The following SEMA3F variants were observed in gnomAD, a reference collection of about 807,000 sequenced individuals.
The protein encoded by SEMA3F is semaphorin-3F.
In SEMA3F, 30 loss-of-function variants were observed where a neutral mutation model predicts 98.5. The observed-to-expected ratio is 0.30, with a 90% confidence interval of 0.23 to 0.41. The LOEUF (loss-of-function observed/expected upper bound fraction) is 0.41, where lower values mean the gene tolerates loss of function less well. SEMA3F is among the 10% of genes least tolerant of loss of function. The pLI is 1.00. For missense variants in SEMA3F, 866 were observed against 1,119.3 expected (o/e 0.77, Z 3.23); for synonymous variants, 380 against 444.8 (o/e 0.85, Z 1.83).
Position 50,186,024 on chromosome 3 carries a change from C to T in SEMA3F, c.1723C>T (p.Arg575Cys), listed in dbSNP as rs761815872. 2.4e-5 allele frequency: 38 copies of T among 1,613,014 alleles called. 1 individual carries two copies. The Middle Eastern group carries it at 6.6e-4, about 28-fold the overall frequency. Residue 575 changes from arginine to cysteine, a missense_variant, in exon 16 of 19, where the codon CGC (arginine) becomes TGC (cysteine). Arg to Cys is a radical substitution (Grantham distance 180, BLOSUM62 -3). Around this residue, in one of 3 missense-constraint regions of SEMA3F, gnomAD observed 374 missense variants for 582.8 expected, o/e 0.64. Transcript: ENST00000002829. ...TGCCTGGGATGGCCAGGCCTGCTCC[C>T]GCTATACAGCATCCTCCAAGAGGTG... ...YCAWDGQACS[R>C]YTASSKRRSR...
intron 2 of SEMA3F, among the ~76,000 whole-genome samples, chr3:50,160,929 G>C (rs1698182795): frequency 6.6e-6 from 1 of 152,172 alleles, no homozygotes; most frequent in Non-Finnish European, 1.5e-5. Context: ...TCCCCTGCAG[G>C]GCCTGAGAAA....
rs768172772 is a variant in SEMA3F at position 50,173,935 on chromosome 3, C to G, written c.255C>G (p.Ile85Met). 2 of 1,614,140 alleles carry G rather than the reference C, an allele frequency of 1.2e-6. No homozygotes were observed. Among genetic ancestry groups the G allele is most frequent in the Non-Finnish European group, 1.7e-6 (2 of 1,180,032 alleles). The part of the protein sequence containing the change: ...DYVLSLDLHD[I>M]NREPLIIHWA... ...TGCTGTCCCTGGACCTGCACGACAT[C>G]AACCGCGAGCCCCTCATTGTAAGGG... Residue 85 changes from isoleucine to methionine, a missense_variant, in exon 3 of 19, where the codon ATC becomes ATG. By Grantham distance (10) the Ile-to-Met change is conservative. Around this residue, in one of 3 missense-constraint regions of SEMA3F, gnomAD observed 247 missense variants for 276.0 expected, o/e 0.89. Transcript: ENST00000002829.
chr3:50,185,630 C>T, intron 14 of SEMA3F, 36 bp from the exon 15 acceptor site: 3 of 1,613,982 alleles, frequency 1.9e-6, no homozygotes, highest in Non-Finnish European at 2.5e-6. Context: ...GGGAGGGGGT[C>T]CCTGGCATCC....
intron 6 of SEMA3F, 123 bp from the exon 7 acceptor site, chr3:50,176,645 A>C: frequency 1.4e-6 from 1 of 708,920 alleles, no homozygotes; most frequent in South Asian, 1.6e-5. Flanking sequence ...AATGCTGGGG[A>C]GTGTAGGGGG....
chr3:50,174,668 G>A (rs1263120808), intron 5 of SEMA3F, among the ~76,000 whole-genome samples: 2 of 152,362 alleles, frequency 1.3e-5, no homozygotes, highest in East Asian at 1.9e-4. Flanking sequence ...ACCGTGCCCC[G>A]ACGGCCGAGC....
chr3:50,161,614 C>T (rs1314076584), intron 2 of SEMA3F, among the ~76,000 whole-genome samples: 1 of 152,202 alleles, frequency 6.6e-6, no homozygotes, highest in Non-Finnish European at 1.5e-5. Context: ...GTTCCCCTGC[C>T]CTGAATGACC....
intron 2 of SEMA3F, among the ~76,000 whole-genome samples, chr3:50,161,086 T>G (rs1240684394): frequency 6.6e-6 from 1 of 152,010 alleles, no homozygotes; most frequent in Non-Finnish European, 1.5e-5. Flanking sequence ...AGGGGCCAGT[T>G]CCCCCAAACC....
chr3:50,156,971 C>T lies in SEMA3F; in HGVS notation c.-49+1407C>T, dbSNP rs1698010090. ...CTTGAGGTGTTGGGGGATGGGGAAGCTGAGGAGCCAAGAAGGAGACAGAGC... is the reference window on the plus strand; with the variant it reads ...CTTGAGGTGTTGGGGGATGGGGAAGTTGAGGAGCCAAGAAGGAGACAGAGC... On this transcript the variant is annotated intron_variant, in intron 1 of 18. Coordinates refer to ENST00000002829, the MANE Select transcript of SEMA3F (RefSeq NM_004186.5). This position sits in a 1 kb window ranked among gnomAD's most constrained non-coding sequence, Gnocchi z 4.5. Among the ~76,000 whole-genome samples, 1 of 151,754 alleles carries T rather than the reference C, an allele frequency of 6.6e-6. No individual in the cohort carries two copies. The highest frequency in any genetic ancestry group is 2.1e-4 in the South Asian group (1 of 4,816).
intron 2 of SEMA3F, among the ~76,000 whole-genome samples, chr3:50,171,185 G>T (rs199764813): frequency 2.0e-5 from 3 of 152,312 alleles, no homozygotes; most frequent in East Asian, 3.9e-4. Context: ...GGGGCAGCAG[G>T]CAGAGAGGGT....
chr3:50,188,467 A>G lies in SEMA3F; in HGVS notation c.*352A>G, dbSNP rs1699325652. ...AAGGGAGGGAGCAAGCCCTACTCGGATGGGGCACGGACTGTCCACCTTTTC... is the reference window on the plus strand; with the variant it reads ...AAGGGAGGGAGCAAGCCCTACTCGGGTGGGGCACGGACTGTCCACCTTTTC... On this transcript the variant is annotated 3_prime_UTR_variant, in exon 19 of 19. Transcript: ENST00000002829. This position sits in a 1 kb window ranked among gnomAD's most constrained non-coding sequence, Gnocchi z 4.5. 6.6e-6 allele frequency: 1 copy of G among 152,384 alleles called. No individual in the cohort carries two copies. The highest frequency in any genetic ancestry group is 1.5e-5 in the Non-Finnish European group (1 of 68,200). 9.4% of individuals were successfully genotyped at this position (152,384 alleles called of 1,614,324 possible).
rs1003375255 is a variant in SEMA3F, at chr3:50,186,497, C to T, written c.1814-116C>T. 7.0e-6 allele frequency: 10 copies of T among 1,433,290 alleles called. No homozygotes were observed. The African/African-American group carries it at 1.3e-4, about 18-fold the overall frequency. 88.8% of individuals were successfully genotyped at this position (1,433,290 alleles called of 1,614,324 possible). On this transcript the variant is annotated intron_variant, in intron 17 of 18. Coordinates refer to ENST00000002829, the MANE Select transcript of SEMA3F (RefSeq NM_004186.5). ...ATGGAGATGGGATGTCCCTAGTTGCCCCATCAACACAGAGCACTACATTGG... is the reference window on the plus strand; with the variant it reads ...ATGGAGATGGGATGTCCCTAGTTGCTCCATCAACACAGAGCACTACATTGG...
intron 6 of SEMA3F, 46 bp downstream of exon 6, chr3:50,175,234 A>C: frequency 7.4e-7 from 1 of 1,353,932 alleles, no homozygotes; most frequent in Non-Finnish European, 1.0e-6. Flanking sequence ...ACTGCCTCTG[A>C]GCGGAACTCA....
rs751187001 is a variant in SEMA3F, at chr3:50,182,451, G to C, written c.763+48G>C. On this transcript the variant is annotated intron_variant, in intron 8 of 18. Transcript: ENST00000002829. This position sits in a 1 kb window ranked among gnomAD's most constrained non-coding sequence, Gnocchi z 4.5. The stretch of plus-strand genomic sequence containing the variant: ...TTCCGTGGCCATGTGTCTGGGATGC[G>C]GCAAGGAGGTCGTAAAGAAGCACAT... 1.2e-6 allele frequency: 2 copies of C among 1,609,138 alleles called. No homozygotes were observed.
intron 1 of SEMA3F, among the ~76,000 whole-genome samples, chr3:50,157,305 C>G (rs1308892690): frequency 6.6e-6 from 1 of 152,086 alleles, no homozygotes; most frequent in African/African-American, 2.4e-5. Flanking sequence ...CTCCTCGTTT[C>G]TTTGTTCAAG....
intron 2 of SEMA3F, among the ~76,000 whole-genome samples, chr3:50,160,577 A>G (rs1450896395): frequency 6.6e-6 from 1 of 152,182 alleles, no homozygotes. Context: ...GGCAGTGGCC[A>G]TGCTGGGGCC....
rs142098890 is a variant in SEMA3F at position 50,181,528 on chromosome 3, T to C, written c.644-756T>C. On this transcript the variant is annotated intron_variant, in intron 7 of 18. Coordinates refer to ENST00000002829, the MANE Select transcript of SEMA3F (RefSeq NM_004186.5). ...TAGTAGAAACAGGGTTTCACCACATTGGCCAGGATGGTCTCGATCTCTTGA... is the reference window on the plus strand; with the variant it reads ...TAGTAGAAACAGGGTTTCACCACATCGGCCAGGATGGTCTCGATCTCTTGA... 3.7e-3 allele frequency among the ~76,000 whole-genome samples: 560 copies of C among 152,134 alleles called. 5 individuals are homozygous for C. Among genetic ancestry groups the C allele is most frequent in the African/African-American group, 0.013 (525 of 41,484 alleles).
upstream of SEMA3F, chr3:50,155,205 A>G: frequency 2.9e-6 from 1 of 343,176 alleles, no homozygotes; most frequent in Non-Finnish European, 5.2e-6. The surrounding 1 kb of genome is among the most constrained non-coding windows in gnomAD (Gnocchi z 4.9). Flanking sequence ...TCCAGCAGCC[A>G]GGAGAGCGCA....
At chr3:50,174,761 T>G (rs1300494692) in intron 5 of SEMA3F, among the ~76,000 whole-genome samples, 1 of 152,168 alleles carries the variant, frequency 6.6e-6, no homozygotes, top group Non-Finnish European at 1.5e-5. Flanking sequence ...AGAGCTGCCT[T>G]CCACCCCCAG....
intron 2 of SEMA3F, among the ~76,000 whole-genome samples, chr3:50,173,033 CT>C (rs1414233357): frequency 6.6e-6 from 1 of 152,222 alleles, no homozygotes; most frequent in Non-Finnish European, 1.5e-5. Context: ...GACCCAGAGA[CT>C]AGCTAGGGCT....
Sources: gnomAD v4.1 joint callset for allele counts (sites outside exome capture counted in the v4.1 genomes callset) on GRCh38, gnomAD v4.1.1 for gene constraint, gnomAD v4.1.1 regional missense constraint, Gnocchi (gnomAD v3.1) non-coding constraint, MANE v1.5 for transcripts, NCBI Gene and HGNC (gene_info 2026-07-23, HGNC 2026-07-21) for gene names.